The following STX18 variants were observed in gnomAD, a reference collection of about 807,000 sequenced individuals.
The protein encoded by STX18 is syntaxin-18.
STX18 carries 40 observed loss-of-function variants against 50.1 expected under a neutral mutation model. The observed-to-expected ratio is 0.80, with a 90% CI of 0.62 to 1.04. The LOEUF (loss-of-function observed/expected upper bound fraction) is 1.04. Among genes scored for constraint, STX18 ranks in the 50% least tolerant of loss-of-function variants. The probability of loss-of-function intolerance (pLI) is 0.00; values close to 1 mark genes in which losing one functional copy is unlikely to be tolerated. For missense variants in STX18, 410 were observed against 415.8 expected, an observed-to-expected ratio of 0.99 and a Z score of 0.12; for synonymous variants, 158 against 151.8, an observed-to-expected ratio of 1.04 and a Z score of -0.30.
intron 1 of STX18, among the ~76,000 whole-genome samples, chr4:4,501,639 GACACTAAC>G (rs1388874042): frequency 6.6e-6 from 1 of 152,124 alleles, no homozygotes; most frequent in Non-Finnish European, 1.5e-5. Flanking sequence ...GGGATCACAG[GACACTAAC>G]AGAATAACAA....
intron 1 of STX18, among the ~76,000 whole-genome samples, chr4:4,500,925 T>C (rs1445392571): frequency 2.6e-5 from 4 of 152,060 alleles, no homozygotes; most frequent in Admixed American, 1.3e-4. Flanking sequence ...TACCCTCAGC[T>C]ACTCGGGAGG....
chr4:4,482,924 A>T (rs1455464978), intron 1 of STX18, among the ~76,000 whole-genome samples: 1 of 152,236 alleles, frequency 6.6e-6, no homozygotes, highest in Non-Finnish European at 1.5e-5. Context: ...AAGTATAATC[A>T]ATAGCTAAAT....
At chr4:4,513,238 AG>A (rs994474588) in intron 1 of STX18, among the ~76,000 whole-genome samples, 1 of 152,050 alleles carries the variant, frequency 6.6e-6, no homozygotes, top group Non-Finnish European at 1.5e-5. Flanking sequence ...ATTCTGATAG[AG>A]GGGGGGACCC....
intron 1 of STX18, chr4:4,507,280 C>T (rs1055914482): frequency 7.0e-6 from 5 of 710,984 alleles, no homozygotes; most frequent in African/African-American, 5.2e-5. Flanking sequence ...CTCCCAGGCT[C>T]TTCTGGAGCT....
At chr4:4,427,185 A>G (rs1395583049) in intron 7 of STX18, among the ~76,000 whole-genome samples, 1 of 152,136 alleles carries the variant, frequency 6.6e-6, no homozygotes, top group Non-Finnish European at 1.5e-5. Flanking sequence ...CCGGCTACTC[A>G]AAACACAAGG....
chr4:4,440,263 G>T (rs1347643235), intron 5 of STX18, among the ~76,000 whole-genome samples: 1 of 152,214 alleles, frequency 6.6e-6, no homozygotes, highest in East Asian at 1.9e-4. Flanking sequence ...GCTAACATTT[G>T]TTAATGGCTC....
intron 9 of STX18, among the ~76,000 whole-genome samples, chr4:4,422,483 C>T (rs1031480189): frequency 2.0e-5 from 3 of 150,786 alleles, no homozygotes; most frequent in Non-Finnish European, 2.9e-5. Flanking sequence ...GCAGGAGAAT[C>T]GCTTGAACCT....
At chr4:4,507,552 C>T in intron 1 of STX18, 4 of 767,810 alleles carry the variant, frequency 5.2e-6, no homozygotes, top group Non-Finnish European at 9.7e-6. Context: ...AAAAGCGTCC[C>T]AGGAGTGCAC....
At chr4:4,424,097 T>A (rs962838979) in intron 8 of STX18, among the ~76,000 whole-genome samples, 6 of 150,722 alleles carry the variant, frequency 4.0e-5, no homozygotes, top group Non-Finnish European at 8.8e-5. Flanking sequence ...AAAAAGCTCC[T>A]CTGATTCATT....
chr4:4,512,296 G>C (rs1489170916), intron 1 of STX18, among the ~76,000 whole-genome samples: 1 of 151,940 alleles, frequency 6.6e-6, no homozygotes, highest in Non-Finnish European at 1.5e-5. Context: ...CTGAAATCCA[G>C]GCCTCTGGAC....
chr4:4,439,562 A>G lies in STX18; in HGVS notation c.498-1053T>C, dbSNP rs139734627. ...CACACACAGAAACACACACATATAT[A>G]CCCCCTACCCATATATATACACACA... On this transcript the variant is annotated intron_variant, in intron 5 of 10. Coordinates refer to ENST00000306200, the MANE Select transcript of STX18 (RefSeq NM_016930.4). Among the ~76,000 whole-genome samples, 88 of 130,836 alleles carry G rather than the reference A, an allele frequency of 6.7e-4. No homozygotes were observed. The Middle Eastern group carries it at 0.017, about 25-fold the overall frequency. The allele number at this position is 130,836 out of a possible 152,430, so 85.8% of individuals were successfully genotyped here.
At chr4:4,437,716 G>T in intron 6 of STX18, 2 of 700,746 alleles carry the variant, frequency 2.9e-6, no homozygotes, top group Non-Finnish European at 3.5e-6. Context: ...CCATCACCCT[G>T]TGATTCACAC....
chr4:4,515,988 A>T (rs1016713724), intron 1 of STX18, among the ~76,000 whole-genome samples: 2 of 152,220 alleles, frequency 1.3e-5, no homozygotes, highest in African/African-American at 4.8e-5. Flanking sequence ...TAAGAAGGTA[A>T]AACACCAAGT....
At chr4:4,471,587 G>A (rs1432414524) in intron 2 of STX18, 52 bp downstream of exon 2, 1 of 1,222,124 alleles carries the variant, frequency 8.2e-7, no homozygotes, top group Non-Finnish European at 1.1e-6. Flanking sequence ...AGAAATATAG[G>A]TGTAGAAAAG....
At chr4:4,466,775 T>G (rs1727639706) in intron 2 of STX18, among the ~76,000 whole-genome samples, 1 of 152,152 alleles carries the variant, frequency 6.6e-6, no homozygotes, top group Non-Finnish European at 1.5e-5. Context: ...AGAGCTGATT[T>G]ATCAAGACAG....
chr4:4,452,465 C>T (rs1289448373), intron 5 of STX18, among the ~76,000 whole-genome samples: 1 of 152,208 alleles, frequency 6.6e-6, no homozygotes, highest in Non-Finnish European at 1.5e-5. Context: ...TTCAATGCTT[C>T]AAAGGATAGG....
chr4:4,487,791 C>T (rs1045939539), intron 1 of STX18, among the ~76,000 whole-genome samples: 3 of 152,148 alleles, frequency 2.0e-5, no homozygotes, highest in South Asian at 2.1e-4. Context: ...CCCAGGAATA[C>T]GCTCACTCTT....
intron 3 of STX18, among the ~76,000 whole-genome samples, chr4:4,457,760 A>G (rs945595097): frequency 1.3e-5 from 2 of 152,252 alleles, no homozygotes; most frequent in African/African-American, 4.8e-5. Flanking sequence ...TATTTGACGC[A>G]GCCACTTCTT....
At position 4,434,799 on chromosome 4, in the gene STX18, C is replaced by T; in HGVS notation, c.673G>A (p.Asp225Asn). The T allele has an allele frequency of 4.4e-6, 7 of 1,607,042 alleles. No individual in the cohort carries two copies. In the South Asian group the frequency reaches 7.9e-5, roughly 18 times the overall value. The change falls in exon 7 of 11, where the codon GAT (aspartate) becomes AAT (asparagine). Residue 225 changes from aspartate to asparagine, a missense_variant. By Grantham distance (23) the Asp-to-Asn change is conservative. Transcript: ENST00000306200. ...TGTATTTCTTCTGGGGATAACTCAT[C>T]TTCGCCTTTGCCATCTCCCCACGTT... ...LGTWGDGKGEDELSPEEIQMF... is the reference protein window; with the variant it reads ...LGTWGDGKGENELSPEEIQMF...
Sources: gnomAD v4.1 joint callset for allele counts (sites outside exome capture counted in the v4.1 genomes callset) on GRCh38, gnomAD v4.1.1 for gene constraint, MANE v1.5 for transcripts, NCBI Gene and HGNC (gene_info 2026-07-23, HGNC 2026-07-21) for gene names.